The following CHCHD6 variants were observed in gnomAD, a reference collection of about 807,000 sequenced individuals.
The protein encoded by CHCHD6 is coiled-coil-helix-coiled-coil-helix domain containing 6.
Under a neutral mutation model 32.3 loss-of-function variants are expected in CHCHD6, and 28 were observed. The observed-to-expected ratio is 0.87, with a 90% confidence interval of 0.64 to 1.19. The LOEUF (loss-of-function observed/expected upper bound fraction) is 1.19. CHCHD6 is among the 50% of genes most tolerant of loss of function. The pLI is 0.00. For synonymous variants in CHCHD6, 122 were observed against 117.5 expected (o/e 1.04, Z -0.25); for missense variants, 333 against 307.0 (o/e 1.08, Z -0.63).
chr3:126,954,054 C>T (rs1559941551), intron 6 of CHCHD6, among the ~76,000 whole-genome samples: 1 of 152,232 alleles, frequency 6.6e-6, no homozygotes, highest in Non-Finnish European at 1.5e-5. Context: ...CAGAGCTATG[C>T]TCTCCCTGTC....
chr3:126,806,593 G>A (rs1041810288), intron 4 of CHCHD6, among the ~76,000 whole-genome samples: 4 of 152,192 alleles, frequency 2.6e-5, no homozygotes, highest in Non-Finnish European at 4.4e-5. Context: ...CTTTTACACT[G>A]TTGGTGGGAC....
Position 126,726,700 on chromosome 3 carries a change from G to T in CHCHD6, c.88-378G>T, listed in dbSNP as rs543373565. Among the ~76,000 whole-genome samples the T allele has an allele frequency of 1.1e-4, 17 of 152,350 alleles. No individual in the cohort carries two copies. In the South Asian group the frequency reaches 3.3e-3, roughly 30 times the overall value. ...TCCAAAGAAAGGATATGATTTGGAT[G>T]GGTGGAGATGTCCCAGAGAGGGAGG... On this transcript the variant is annotated intron_variant, in intron 1 of 7. Coordinates refer to ENST00000290913, the MANE Select transcript of CHCHD6 (RefSeq NM_032343.3).
chr3:126,737,002 TA>T (rs1340930579), intron 4 of CHCHD6, among the ~76,000 whole-genome samples: 1 of 152,150 alleles, frequency 6.6e-6, no homozygotes, highest in Non-Finnish European at 1.5e-5. Context: ...AGGTATGTAA[TA>T]ACACAGTACA....
rs1441607791 is a variant in CHCHD6, at chr3:126,848,883, A to G, written c.412-3764A>G. 7.2e-5 allele frequency among the ~76,000 whole-genome samples: 11 copies of G among 152,290 alleles called. No homozygotes were observed. The East Asian group carries it at 7.7e-4, about 11-fold the overall frequency. Reference sequence around the variant, plus strand: ...TATTGGTAGCCTTTTTAGAAATTCTATTTCTTCCCATATTTGAGATTCAGT... The same window carrying G: ...TATTGGTAGCCTTTTTAGAAATTCTGTTTCTTCCCATATTTGAGATTCAGT... On this transcript the variant is annotated intron_variant, in intron 4 of 7. Transcript: ENST00000290913.
intron 5 of CHCHD6, among the ~76,000 whole-genome samples, chr3:126,853,529 G>A (rs566027999): frequency 2.6e-4 from 39 of 152,304 alleles, no homozygotes; most frequent in East Asian, 2.5e-3. Context: ...TGAGGGGCCT[G>A]ATTTCCACAG....
chr3:126,776,312 G>C (rs1258127558), intron 4 of CHCHD6, among the ~76,000 whole-genome samples: 3 of 152,170 alleles, frequency 2.0e-5, no homozygotes, highest in Non-Finnish European at 4.4e-5. Context: ...TGGATATAAA[G>C]TTGTATATAT....
intron 6 of CHCHD6, among the ~76,000 whole-genome samples, chr3:126,919,450 A>C (rs1376119920): frequency 1.3e-5 from 2 of 151,470 alleles, no homozygotes; most frequent in African/African-American, 4.8e-5. Flanking sequence ...AGTAGCTAGA[A>C]CCACAGGTGT....
chr3:126,865,634 C>T (rs1390512585), intron 5 of CHCHD6: 21 of 985,118 alleles, frequency 2.1e-5, no homozygotes, highest in Non-Finnish European at 2.2e-5. Context: ...TTGCTGCTGC[C>T]CCCTCTCCCA....
intron 5 of CHCHD6, among the ~76,000 whole-genome samples, chr3:126,863,748 CTCT>C (rs1942080998): frequency 6.6e-6 from 1 of 150,482 alleles, no homozygotes. Context: ...TCACCACCTC[CTCT>C]TCCACCACCA....
chr3:126,896,868 G>T (rs2077848210), intron 5 of CHCHD6, among the ~76,000 whole-genome samples: 1 of 152,174 alleles, frequency 6.6e-6, no homozygotes, highest in Admixed American at 6.5e-5. Flanking sequence ...ACAGTGAGTG[G>T]TGGAGGTGGG....
intron 6 of CHCHD6, among the ~76,000 whole-genome samples, chr3:126,936,845 G>A (rs2078486741): frequency 6.6e-6 from 1 of 152,220 alleles, no homozygotes; most frequent in African/African-American, 2.4e-5. Flanking sequence ...GTGAGCCCCT[G>A]CACCTGGCCT....
intron 5 of CHCHD6, among the ~76,000 whole-genome samples, chr3:126,860,461 G>A (rs924434365): frequency 6.6e-6 from 1 of 152,108 alleles, no homozygotes; most frequent in African/African-American, 2.4e-5. Context: ...TGGGGAAAGG[G>A]GGGAGGGATA....
chr3:126,720,073 G>A (rs1053075411), intron 1 of CHCHD6, among the ~76,000 whole-genome samples: 23 of 152,098 alleles, frequency 1.5e-4, no homozygotes, highest in African/African-American at 4.8e-4. Context: ...TAGAGACGTG[G>A]GTTTCACCAT....
intron 6 of CHCHD6, among the ~76,000 whole-genome samples, chr3:126,945,448 G>T (rs1039063192): frequency 2.5e-4 from 38 of 151,270 alleles, no homozygotes; most frequent in African/African-American, 8.5e-4. Context: ...AGACTCGAGT[G>T]GGGAGACTTG....
intron 6 of CHCHD6, among the ~76,000 whole-genome samples, chr3:126,921,769 T>G (rs945166789): frequency 1.3e-5 from 2 of 152,222 alleles, no homozygotes; most frequent in African/African-American, 4.8e-5. Context: ...TCACCTGCAC[T>G]TGGAAGACAG....
At chr3:126,790,803 G>T (rs1346676551) in intron 4 of CHCHD6, among the ~76,000 whole-genome samples, 1 of 152,194 alleles carries the variant, frequency 6.6e-6, no homozygotes, top group Non-Finnish European at 1.5e-5. Flanking sequence ...TTGATTGTCT[G>T]AAGCCTTCTT....
Position 126,856,928 on chromosome 3 carries a change from A to G in CHCHD6, c.495+4198A>G, listed in dbSNP as rs148224812. Among the ~76,000 whole-genome samples the G allele has an allele frequency of 4.8e-3, 734 of 152,288 alleles. 3 individuals carry two copies. Among genetic ancestry groups the G allele is most frequent in the Non-Finnish European group, 7.3e-3 (497 of 68,014 alleles). ...TAGCCTCAGTTTCCTTATCTTTGAAATGGGGATTTAGGACTAACCTGCCAG... is the reference window on the plus strand; with the variant it reads ...TAGCCTCAGTTTCCTTATCTTTGAAGTGGGGATTTAGGACTAACCTGCCAG... On this transcript the variant is annotated intron_variant, in intron 5 of 7. Coordinates refer to ENST00000290913, the MANE Select transcript of CHCHD6 (RefSeq NM_032343.3).
chr3:126,719,543 G>A (rs910099280), intron 1 of CHCHD6, among the ~76,000 whole-genome samples: 2 of 152,324 alleles, frequency 1.3e-5, no homozygotes, highest in South Asian at 2.1e-4. Flanking sequence ...ATGATAGGAG[G>A]AATGTTAATT....
At chr3:126,745,273 G>A (rs1936449385) in intron 4 of CHCHD6, among the ~76,000 whole-genome samples, 1 of 152,178 alleles carries the variant, frequency 6.6e-6, no homozygotes, top group Non-Finnish European at 1.5e-5. Context: ...GCTTAGCGAA[G>A]CCCAGCGTCC....
Sources: allele counts gnomAD v4.1 joint callset (sites outside exome capture counted in the v4.1 genomes callset), GRCh38; gene constraint gnomAD v4.1.1; transcripts MANE v1.5; gene names NCBI Gene and HGNC (gene_info 2026-07-23, HGNC 2026-07-21).